PLA2G4A: variants seen among roughly 807,000 people sequenced by gnomAD.
PLA2G4A encodes the protein cytosolic phospholipase A2.
PLA2G4A carries 40 observed loss-of-function variants against 81.9 expected under a neutral mutation model. The ratio of observed to expected loss-of-function variants is 0.49; its 90% confidence interval spans 0.38 to 0.64. PLA2G4A has a LOEUF of 0.64. Ranked by LOEUF, PLA2G4A falls within the 30% of genes least tolerant of loss-of-function variation. The pLI is 0.00. For missense variants in PLA2G4A, 715 were observed against 905.1 expected, an observed-to-expected ratio of 0.79 and a Z score of 2.69; for synonymous variants, 302 against 296.9, an observed-to-expected ratio of 1.02 and a Z score of -0.18.
rs1655222328 is a variant in PLA2G4A at position 186,918,329 on chromosome 1, G to A, written c.558+6940G>A. On this transcript the variant is annotated intron_variant, in intron 7 of 17. Transcript: ENST00000367466. ...TCTAATAATTGTAGAATTTACTGTT[G>A]ATATTTTATGTCCTTTCCCCCAGAG... Among the ~76,000 whole-genome samples, 4 of 152,214 alleles carry A rather than the reference G, an allele frequency of 2.6e-5. No individual in the cohort carries two copies. The South Asian group carries it at 8.3e-4, about 32-fold the overall frequency.
At chr1:186,883,100 G>A (rs187346728) in intron 3 of PLA2G4A, among the ~76,000 whole-genome samples, 1 of 151,984 alleles carries the variant, frequency 6.6e-6, no homozygotes, top group African/African-American at 2.4e-5. Context: ...AGGTATTCAA[G>A]GTATTTTTGA....
rs1571388455 is a variant in PLA2G4A, at chr1:186,907,385, A to G, written c.416+383A>G. ...TATTCAAAAACATAGAAGTGAACTT[A>G]AACAGAAACTATATAATAATTTTTA... On this transcript the variant is annotated intron_variant, in intron 6 of 17. Transcript: ENST00000367466. Among the ~76,000 whole-genome samples, 3 of 152,338 alleles carry G rather than the reference A, an allele frequency of 2.0e-5. No homozygotes were observed. In the South Asian group the frequency reaches 6.2e-4, roughly 32 times the overall value.
chr1:186,878,682 T>C (rs948482875), intron 3 of PLA2G4A, among the ~76,000 whole-genome samples: 2 of 151,832 alleles, frequency 1.3e-5, no homozygotes, highest in Non-Finnish European at 2.9e-5. Flanking sequence ...TGTTAAGTGG[T>C]TTTATGAATA....
Position 186,950,730 on chromosome 1 carries a change from T to C in PLA2G4A, c.1336+2T>C. ...ATGATGAATCACACGAACCCAAAGG[T>C]GAGTGAGCCGGAAACTTTTCTGGCC... is the stretch of plus-strand genomic sequence containing the variant. On this transcript the variant is annotated splice_donor_variant, in intron 13 of 17. Coordinates refer to ENST00000367466, the MANE Select transcript of PLA2G4A (RefSeq NM_024420.3). LOFTEE classifies it high-confidence loss of function. The C allele has an allele frequency of 6.4e-7, 1 of 1,572,590 alleles. No individual in the cohort carries two copies. The highest frequency in any genetic ancestry group is 8.8e-7 in the Non-Finnish European group (1 of 1,142,556).
At chr1:186,903,930 G>T (rs1196981750) in intron 5 of PLA2G4A, among the ~76,000 whole-genome samples, 2 of 152,184 alleles carry the variant, frequency 1.3e-5, no homozygotes, top group Admixed American at 6.5e-5. Flanking sequence ...TGCCAAAAAT[G>T]TTGGGGACTG....
At chr1:186,902,481 G>A (rs537552700) in intron 5 of PLA2G4A, among the ~76,000 whole-genome samples, 4 of 151,882 alleles carry the variant, frequency 2.6e-5, no homozygotes, top group East Asian at 3.9e-4. Flanking sequence ...GAGAAACATC[G>A]CCCATTATCT....
chr1:186,871,640 A>G (rs1417805210), intron 3 of PLA2G4A, among the ~76,000 whole-genome samples: 1 of 152,114 alleles, frequency 6.6e-6, no homozygotes, highest in East Asian at 1.9e-4. Flanking sequence ...ACCCAATATT[A>G]CTAGAGAATA....
At chr1:186,974,938 G>C (rs1459689015) in intron 15 of PLA2G4A, among the ~76,000 whole-genome samples, 7 of 152,116 alleles carry the variant, frequency 4.6e-5, no homozygotes, top group African/African-American at 1.4e-4. Context: ...CCTGATTCTA[G>C]CGTGAAGTGA....
intron 5 of PLA2G4A, among the ~76,000 whole-genome samples, chr1:186,904,699 G>T (rs1364768584): frequency 6.6e-6 from 1 of 152,184 alleles, no homozygotes; most frequent in African/African-American, 2.4e-5. Flanking sequence ...AAAGAGTCTT[G>T]TCACTCCATC....
At chr1:186,938,789 G>C (rs1446887783) in intron 8 of PLA2G4A, among the ~76,000 whole-genome samples, 1 of 152,174 alleles carries the variant, frequency 6.6e-6, no homozygotes, top group Non-Finnish European at 1.5e-5. Context: ...TGAAAGTTCA[G>C]TGTTTCCTCT....
At chr1:186,961,295 T>TTAA in intron 14 of PLA2G4A, among the ~76,000 whole-genome samples, 1 of 152,186 alleles carries the variant, frequency 6.6e-6, no homozygotes, top group East Asian at 1.9e-4. Context: ...GTGCCTGCAG[T>TTAA]TAATAATAAT....
At chr1:186,946,179 T>C (rs372548465) in intron 10 of PLA2G4A, among the ~76,000 whole-genome samples, 1 of 152,126 alleles carries the variant, frequency 6.6e-6, no homozygotes, top group Non-Finnish European at 1.5e-5. Flanking sequence ...GAATAGACAG[T>C]TAGTGAGCAA....
At chr1:186,884,819 G>A (rs1653873109) in intron 3 of PLA2G4A, among the ~76,000 whole-genome samples, 1 of 151,492 alleles carries the variant, frequency 6.6e-6, no homozygotes, top group African/African-American at 2.4e-5. Flanking sequence ...AGGAGGTTGA[G>A]GCTACAGTGA....
At chr1:186,857,410 ATATAATG>A (rs1041788605) in intron 2 of PLA2G4A, among the ~76,000 whole-genome samples, 3 of 129,550 alleles carry the variant, frequency 2.3e-5, no homozygotes, top group Non-Finnish European at 4.7e-5. Context: ...AATATATATT[ATATAATG>A]TATAATATAT....
intron 1 of PLA2G4A, among the ~76,000 whole-genome samples, chr1:186,850,248 T>A (rs1652325958): frequency 6.6e-6 from 1 of 152,156 alleles, no homozygotes; most frequent in Admixed American, 6.6e-5. Flanking sequence ...TATTGTGATA[T>A]GCAAAGGTTT....
intron 2 of PLA2G4A, among the ~76,000 whole-genome samples, chr1:186,869,201 A>G (rs12567135): frequency 6.6e-6 from 1 of 151,942 alleles, no homozygotes. Flanking sequence ...CTTTCAAGGC[A>G]TCATTCAAAT....
chr1:186,872,031 A>G (rs1653290976), intron 3 of PLA2G4A, among the ~76,000 whole-genome samples: 1 of 152,030 alleles, frequency 6.6e-6, no homozygotes, highest in African/African-American at 2.4e-5. Context: ...AAGCAAGGAG[A>G]GGATTGTTAG....
At chr1:186,935,399 A>T (rs981462415) in intron 8 of PLA2G4A, among the ~76,000 whole-genome samples, 2 of 74,460 alleles carry the variant, frequency 2.7e-5, no homozygotes, top group Non-Finnish European at 5.5e-5. Context: ...GGCCCAGGGA[A>T]GGGTTTTTAT....
chr1:186,861,416 T>TC lies in PLA2G4A; in HGVS notation c.33+7030dup, dbSNP rs1652794517. On this transcript the variant is annotated intron_variant, in intron 2 of 17. Coordinates refer to ENST00000367466, the MANE Select transcript of PLA2G4A (RefSeq NM_024420.3). ...CCTCTCTGGGTTTTTGTGCTCTTTT[T>TC]CACCTTTGCTCTCTGCCTTGGTAGT... Among the ~76,000 whole-genome samples, 4 of 152,350 alleles carry TC rather than the reference T, an allele frequency of 2.6e-5. No homozygotes were observed. The South Asian group carries it at 8.3e-4, about 32-fold the overall frequency.
Sources: allele counts gnomAD v4.1 joint callset (sites outside exome capture counted in the v4.1 genomes callset), GRCh38; gene constraint gnomAD v4.1.1; transcripts MANE v1.5; gene names NCBI Gene and HGNC (gene_info 2026-07-23, HGNC 2026-07-21).